Variants in SHANK1 observed in about 807,000 individuals in gnomAD.
SHANK1 encodes the protein SH3 and multiple ankyrin repeat domains 1, also known as SH3 and multiple ankyrin repeat domains protein 1.
Under a neutral mutation model 165.6 loss-of-function variants are expected in SHANK1, and 35 were observed. The observed-to-expected ratio is 0.21, with a 90% CI of 0.16 to 0.28. The LOEUF is 0.28. Among genes scored for constraint, SHANK1 ranks in the 10% least tolerant of loss-of-function variants. The pLI is 1.00. For missense variants in SHANK1, 2,681 were observed against 3,036.4 expected, an observed-to-expected ratio of 0.88 and a Z score of 2.75; for synonymous variants, 1,428 against 1,384.8, an observed-to-expected ratio of 1.03 and a Z score of -0.69.
intron 23 of SHANK1, among the ~76,000 whole-genome samples, chr19:50,663,554 T>A (rs538783781): frequency 2.6e-4 from 40 of 152,144 alleles, no homozygotes; most frequent in African/African-American, 9.6e-4. Flanking sequence ...ATTATTTTGT[T>A]TACTGCCCCG....
Position 50,690,531 on chromosome 19 carries a change from T to C in SHANK1, c.1965-1252A>G, listed in dbSNP as rs1986507250. Among the ~76,000 whole-genome samples, 1 of 152,102 alleles carries C rather than the reference T, an allele frequency of 6.6e-6. No homozygotes were observed. Among genetic ancestry groups the C allele is most frequent in the Non-Finnish European group, 1.5e-5 (1 of 68,018 alleles). ...GTGCTGAGCTTCCTTCAGCACTGTC[T>C]AAAGCCTGTCCCAGGGCACACTTGT... On this transcript the variant is annotated intron_variant, in intron 15 of 23. Coordinates refer to ENST00000293441, the MANE Select transcript of SHANK1 (RefSeq NM_016148.5). The surrounding 1 kb of genome is among the most constrained non-coding windows in gnomAD (Gnocchi z 4.9).
intron 3 of SHANK1, 129 bp from the exon 4 acceptor site, chr19:50,715,859 A>C: frequency 1.1e-6 from 1 of 876,016 alleles, no homozygotes; most frequent in Admixed American, 1.8e-5. Flanking sequence ...TGGGAGTGAA[A>C]ACAGCCCTGG....
chr19:50,707,423 C>A (rs893607837), intron 8 of SHANK1, among the ~76,000 whole-genome samples: 1 of 152,178 alleles, frequency 6.6e-6, no homozygotes, highest in African/African-American at 2.4e-5. Flanking sequence ...TTGATCTTAC[C>A]CCTTCCACAT....
rs1158453778 is a variant in SHANK1 at position 50,716,448 on chromosome 19, T to C, written c.286A>G (p.Ile96Val). ...KCLRFNPDAT[I>V]WTAKQQVLCA... ...AGCACCTGCTGCTTGGCCGTCCAGA[T>C]GGTGGCATCGGGGTTGAAGCGAAGG... is the stretch of plus-strand genomic sequence containing the variant. Residue 96 changes from isoleucine (I) to valine (V), a missense_variant, in exon 3 of 24, where the codon ATC (isoleucine) becomes GTC (valine). By Grantham distance (29) the Ile-to-Val change is conservative. Coordinates refer to ENST00000293441, the MANE Select transcript of SHANK1 (RefSeq NM_016148.5). This position sits in a 1 kb window ranked among gnomAD's most constrained non-coding sequence, Gnocchi z 8.4. The C allele has an allele frequency of 1.2e-5, 20 of 1,613,958 alleles. No homozygotes were observed. The highest frequency in any genetic ancestry group is 1.7e-5 in the Non-Finnish European group (20 of 1,180,000).
chr19:50,689,500 C>T (rs1057346999), intron 15 of SHANK1: 17 of 674,020 alleles, frequency 2.5e-5, no homozygotes, highest in Non-Finnish European at 4.0e-5. Context: ...CTCCCTCTCT[C>T]CTCATTCATC....
In SHANK1 at chr19:50,697,652, T is replaced by C; in HGVS notation, c.1874A>G (p.Asp625Gly). The C allele has an allele frequency of 1.2e-6, 2 of 1,614,002 alleles. No homozygotes were observed. The highest frequency in any genetic ancestry group is 1.7e-6 in the Non-Finnish European group (2 of 1,179,982). The part of the protein sequence containing the change: ...SQESKQESRS[D>G]KAKRLFRHYT... Reference sequence around the variant, plus strand: ...ATGCCGGAAGAGTCTCTTTGCCTTGTCACTGCGGCTTTCTGCAGGGTGACA... The same window carrying C: ...ATGCCGGAAGAGTCTCTTTGCCTTGCCACTGCGGCTTTCTGCAGGGTGACA... Residue 625 changes from aspartate to glycine, a missense_variant, in exon 14 of 24, where the codon GAC becomes GGC. Asp to Gly is a moderately conservative substitution (Grantham distance 94). Coordinates refer to ENST00000293441, the MANE Select transcript of SHANK1 (RefSeq NM_016148.5). The surrounding 1 kb of genome is among the most constrained non-coding windows in gnomAD (Gnocchi z 4.7).
At chr19:50,664,760 A>C (rs955581399) in intron 23 of SHANK1, among the ~76,000 whole-genome samples, 1 of 151,826 alleles carries the variant, frequency 6.6e-6, no homozygotes, top group Non-Finnish European at 1.5e-5. Context: ...TTTGTTAATA[A>C]CTTTTTTTTT....
In SHANK1 at chr19:50,686,456, A is replaced by T; in HGVS notation, c.2459-101T>A. On this transcript the variant is annotated intron_variant, in intron 20 of 23. Transcript: ENST00000293441. The surrounding 1 kb of genome is among the most constrained non-coding windows in gnomAD (Gnocchi z 5.7). ...AGCTGCCGCCCGCAGTTCATCCAGC[A>T]CCTGGATCAACCAGGAAAGGGCAGC... 1 of 870,152 alleles carries T rather than the reference A, an allele frequency of 1.1e-6. No homozygotes were observed. The highest frequency in any genetic ancestry group is 1.8e-6 in the Non-Finnish European group (1 of 550,160). 53.9% of individuals were successfully genotyped at this position (870,152 alleles called of 1,614,324 possible). A position where few individuals can be genotyped will look rare whatever the true frequency, so the allele number is the denominator to read the frequency against.
At chr19:50,694,019 CCACACACACACACACACACACACA>C (rs398034977) in intron 15 of SHANK1, among the ~76,000 whole-genome samples, 4 of 138,618 alleles carry the variant, frequency 2.9e-5, no homozygotes, top group South Asian at 2.4e-4. Flanking sequence ...CCAGCACACA[CCACACACACACACACACACACACA>C]CACACACACA....
chr19:50,717,413 T>C lies in SHANK1; in HGVS notation c.-43-451A>G, dbSNP rs1462407694. Among the ~76,000 whole-genome samples the C allele has an allele frequency of 6.7e-6, 1 of 148,680 alleles. No individual in the cohort carries two copies. Among genetic ancestry groups the C allele is most frequent in the Non-Finnish European group, 1.5e-5 (1 of 67,228 alleles). On this transcript the variant is annotated intron_variant, in intron 1 of 23. Transcript: ENST00000293441. The surrounding 1 kb of genome is among the most constrained non-coding windows in gnomAD (Gnocchi z 5.5). ...GGCCCCTCATCCCAGGGCCGGGGGG[T>C]GGGGTTGGGGAGAAGCTGAGGCTGA...
At position 50,669,069 on chromosome 19, in the gene SHANK1, G is replaced by A; in HGVS notation, c.2891C>T (p.Ala964Val). The A allele has an allele frequency of 1.7e-6, 2 of 1,168,966 alleles. No individual in the cohort carries two copies. Among genetic ancestry groups the A allele is most frequent in the Non-Finnish European group, 2.4e-6 (2 of 846,766 alleles). The allele number at this position is 1,168,966 out of a possible 1,614,324, so 72.4% of individuals were successfully genotyped here. ...FNPGSGGPLP[A>V]SSPASFDGPS... ...CCCGTCAAAGGATGCAGGGGAGGAG[G>A]CGGGGAGGGGGCCACCAGAGCCAGG... is the stretch of plus-strand genomic sequence containing the variant. The change falls in exon 23 of 24, where the codon GCC becomes GTC. Residue 964 changes from alanine to valine, a missense_variant. Ala to Val is a moderately conservative substitution (Grantham distance 64, BLOSUM62 0). Around this residue, in one of 10 missense-constraint regions of SHANK1, gnomAD observed 1,713 missense variants for 1,630.2 expected, o/e 1.05. Transcript: ENST00000293441.
intron 21 of SHANK1, among the ~76,000 whole-genome samples, chr19:50,675,864 C>T (rs1490731142): frequency 6.6e-6 from 1 of 152,050 alleles, no homozygotes; most frequent in East Asian, 1.9e-4. Context: ...ATTAGCTAGG[C>T]GTGGTGGTGC....
rs981967045 is a variant in SHANK1, at chr19:50,718,479, G to GC, written c.-44+926dup. On this transcript the variant is annotated intron_variant, in intron 1 of 23. Coordinates refer to ENST00000293441, the MANE Select transcript of SHANK1 (RefSeq NM_016148.5). This position sits in a 1 kb window ranked among gnomAD's most constrained non-coding sequence, Gnocchi z 5.1. ...GCCCCCCGCGCGTACGGCTGCCCCA[G>GC]CCCCCCCGGGCCGGCTCCGGCCCCT... Among the ~76,000 whole-genome samples the GC allele has an allele frequency of 4.0e-5, 6 of 151,816 alleles. No individual in the cohort carries two copies. Among genetic ancestry groups the GC allele is most frequent in the Admixed American group, 6.6e-5 (1 of 15,266 alleles).
In SHANK1 at chr19:50,659,349, G is replaced by C; in HGVS notation, c.*2616C>G. On this transcript the variant is annotated 3_prime_UTR_variant, in exon 24 of 24. Transcript: ENST00000293441. ...AATCTTGGTGGGGAGTCAGGGGAAG[G>C]GAGGTGATGGGGGGTAGGAATGAAC... 1 of 399,716 alleles carries C rather than the reference G, an allele frequency of 2.5e-6. No homozygotes were observed. The highest frequency in any genetic ancestry group is 3.8e-5 in the East Asian group (1 of 26,236). The allele number at this position is 399,716 out of a possible 1,614,324, so 24.8% of individuals were successfully genotyped here.
Position 50,666,458 on chromosome 19 carries a change from G to A in SHANK1, c.5502C>T (p.Pro1834=), listed in dbSNP as rs1259196557. 3.7e-6 allele frequency: 6 copies of A among 1,607,188 alleles called. No individual in the cohort carries two copies. The highest frequency in any genetic ancestry group is 4.5e-5 in the East Asian group (2 of 44,740). Residue 1834 remains proline, a synonymous_variant, in exon 23 of 24, where the codon CCC becomes CCT. Transcript: ENST00000293441. ...PVPLPTASSL[P]RKLLPWEEGP... is the part of the protein sequence containing the mutation. ...CCTCCTCCCAGGGCAGCAGCTTCCG[G>A]GGCAGAGAGGAGGCCGTCGGCAAGG...
At position 50,713,822 on chromosome 19, in the gene SHANK1, G is replaced by A. The variant is rs754796937; in HGVS notation, c.768C>T (p.Cys256=). 29 of 1,613,624 alleles carry A rather than the reference G, an allele frequency of 1.8e-5. No individual in the cohort carries two copies. The East Asian group carries it at 4.0e-4, about 22-fold the overall frequency. Residue 256 remains cysteine (C), a synonymous_variant, in exon 6 of 24, where the codon TGC becomes TGT. Transcript: ENST00000293441. The surrounding 1 kb of genome is among the most constrained non-coding windows in gnomAD (Gnocchi z 6.2). ...DGMTALHKAA[C]ARHCLALTAL... ...CCGTGAGTGCCAGGCAGTGTCGGGCGCATGCGGCCTTATGCAGTGCGGTCA... is the reference window on the plus strand; with the variant it reads ...CCGTGAGTGCCAGGCAGTGTCGGGCACATGCGGCCTTATGCAGTGCGGTCA...
intron 23 of SHANK1, chr19:50,663,218 CAGTG>C (rs1475084167): frequency 6.4e-6 from 1 of 157,364 alleles, no homozygotes; most frequent in Non-Finnish European, 1.4e-5. Context: ...GATGGGGAGA[CAGTG>C]AGAGAGAGAC....
Position 50,688,147 on chromosome 19 carries a change from G to A in SHANK1, c.2173-89C>T, listed in dbSNP as rs552478334. On this transcript the variant is annotated intron_variant, in intron 17 of 23. Coordinates refer to ENST00000293441, the MANE Select transcript of SHANK1 (RefSeq NM_016148.5). The surrounding 1 kb of genome is among the most constrained non-coding windows in gnomAD (Gnocchi z 6.7). ...AGACCCCAAGGAGGATGCCTCCTGCGCTGCCCTGTCCATGGCCCTCTGGGC... is the reference window on the plus strand; with the variant it reads ...AGACCCCAAGGAGGATGCCTCCTGCACTGCCCTGTCCATGGCCCTCTGGGC... 55 of 1,501,082 alleles carry A rather than the reference G, an allele frequency of 3.7e-5. No homozygotes were observed. The Middle Eastern group carries it at 6.9e-4, about 19-fold the overall frequency. 93.0% of individuals were successfully genotyped at this position (1,501,082 alleles called of 1,614,324 possible). A position where few individuals can be genotyped will look rare whatever the true frequency, so the allele number is the denominator to read the frequency against.
chr19:50,663,405 C>T (rs374924495), intron 23 of SHANK1, among the ~76,000 whole-genome samples: 9 of 152,160 alleles, frequency 5.9e-5, no homozygotes, highest in East Asian at 1.9e-4. Flanking sequence ...TTTGAACTGG[C>T]TGCTCCCCCT....
Sources: gnomAD v4.1 joint callset for allele counts (sites outside exome capture counted in the v4.1 genomes callset) on GRCh38, gnomAD v4.1.1 for gene constraint, gnomAD v4.1.1 regional missense constraint, Gnocchi (gnomAD v3.1) non-coding constraint, MANE v1.5 for transcripts, NCBI Gene and HGNC (gene_info 2026-07-23, HGNC 2026-07-21) for gene names.